The following COL16A1 variants were observed in gnomAD, a reference collection of about 807,000 sequenced individuals.
COL16A1 encodes the protein collagen type XVI alpha 1 chain, also known as collagen alpha-1(XVI) chain.
A neutral mutation model predicts 266.3 loss-of-function variants in COL16A1; 189 were observed. The observed-to-expected ratio is 0.71, with a 90% CI of 0.63 to 0.80. The LOEUF (loss-of-function observed/expected upper bound fraction) is 0.80, where lower values mean the gene tolerates loss of function less well. Among genes scored for constraint, COL16A1 ranks in the 30% least tolerant of loss-of-function variants. COL16A1 has a pLI of 0.00. For missense variants in COL16A1, 1,928 were observed against 2,122.4 expected (o/e 0.91, Z 1.80); for synonymous variants, 740 against 782.3 (o/e 0.95, Z 0.90).
chr1:31,700,016 C>T (rs748562852), intron 3 of COL16A1, 25 bp downstream of exon 3: 26 of 1,613,318 alleles, frequency 1.6e-5, no homozygotes, highest in Middle Eastern at 1.6e-4. Context: ...GCAGGGACGG[C>T]GCGATGAGAT....
intron 12 of COL16A1, among the ~76,000 whole-genome samples, chr1:31,693,803 G>A (rs778878104): frequency 6.6e-5 from 10 of 152,148 alleles, no homozygotes; most frequent in Non-Finnish European, 1.0e-4. Flanking sequence ...AACACACCCT[G>A]TCAGACATAT....
At chr1:31,662,059 T>C (rs1641718436) in intron 58 of COL16A1, among the ~76,000 whole-genome samples, 1 of 152,150 alleles carries the variant, frequency 6.6e-6, no homozygotes, top group Non-Finnish European at 1.5e-5. Context: ...TCCTCAGCTG[T>C]CTTGAGTTTC....
chr1:31,654,138 C>T (rs1236020589), intron 68 of COL16A1, 95 bp from the exon 69 acceptor site: 35 of 1,497,746 alleles, frequency 2.3e-5, no homozygotes, highest in Non-Finnish European at 2.1e-5. Flanking sequence ...AGCATGAAGT[C>T]CACAGCAGCC....
chr1:31,696,484 C>G (rs1016544796), intron 8 of COL16A1, among the ~76,000 whole-genome samples: 1 of 152,242 alleles, frequency 6.6e-6, no homozygotes, highest in Admixed American at 6.5e-5. Context: ...CATGCCACCT[C>G]TAAAGAACCT....
intron 1 of COL16A1, among the ~76,000 whole-genome samples, chr1:31,702,789 G>A (rs1165381222): frequency 6.6e-6 from 1 of 152,192 alleles, no homozygotes; most frequent in African/African-American, 2.4e-5. Context: ...ATAGGGCTGT[G>A]TGGGGGCCAA....
In COL16A1 at chr1:31,670,960, G is replaced by A. The variant is rs1642629334; in HGVS notation, c.3151-314C>T. 6.6e-6 allele frequency among the ~76,000 whole-genome samples: 1 copy of A among 152,152 alleles called. No individual in the cohort carries two copies. Among genetic ancestry groups the A allele is most frequent in the Admixed American group, 6.5e-5 (1 of 15,284 alleles). On this transcript the variant is annotated intron_variant, in intron 48 of 70. Coordinates refer to ENST00000373672, the MANE Select transcript of COL16A1 (RefSeq NM_001856.4). This position sits in a 1 kb window ranked among gnomAD's most constrained non-coding sequence, Gnocchi z 4.5. ...CATTTCTTTCAGCCTTGCCCACCAT[G>A]CCTGCCACCCGACCTCCACCTGTCC...
chr1:31,659,996 A>G (rs1641513510), intron 62 of COL16A1: 1 of 102,612 alleles, frequency 9.7e-6, no homozygotes, highest in Non-Finnish European at 2.1e-5. Context: ...TATTTTTAAC[A>G]TTTCCGAAAG....
intron 52 of COL16A1, 70 bp from the exon 53 acceptor site, chr1:31,666,151 C>T: frequency 4.0e-6 from 6 of 1,493,904 alleles, no homozygotes; most frequent in South Asian, 1.2e-5. Context: ...GGGGATGTGA[C>T]AGGGGACTGC....
At chr1:31,686,408 G>T in intron 26 of COL16A1, 129 bp from the exon 27 acceptor site, 1 of 1,312,318 alleles carries the variant, frequency 7.6e-7, no homozygotes, top group South Asian at 1.3e-5. Flanking sequence ...CAGAGAGGAA[G>T]AGGGCTTTCT....
intron 52 of COL16A1, 128 bp from the exon 53 acceptor site, chr1:31,666,209 C>T (rs1642132228): frequency 3.8e-5 from 38 of 1,000,262 alleles, no homozygotes; most frequent in Non-Finnish European, 5.2e-5. Flanking sequence ...CTGGCAGGCC[C>T]CCTCTGCCTG....
chr1:31,674,868 TAGAC>T (rs1643044817), intron 44 of COL16A1, 135 bp downstream of exon 44: 1 of 1,393,504 alleles, frequency 7.2e-7, no homozygotes, highest in African/African-American at 1.4e-5. Context: ...TAGGCCCTCT[TAGAC>T]AGATGCTTGG....
In COL16A1 at chr1:31,652,940, C is replaced by T. The variant is rs1640757856; in HGVS notation, c.4613-87G>A. On this transcript the variant is annotated intron_variant, in intron 70 of 70. Coordinates refer to ENST00000373672, the MANE Select transcript of COL16A1 (RefSeq NM_001856.4). This position sits in a 1 kb window ranked among gnomAD's most constrained non-coding sequence, Gnocchi z 4.8. ...CATAATGGCATCAAATAATACCTTA[C>T]ATTTGATGACTGTTTCTCAAGTTAC... The T allele has an allele frequency of 8.1e-7, 1 of 1,236,118 alleles. No individual in the cohort carries two copies. Among genetic ancestry groups the T allele is most frequent in the Non-Finnish European group, 1.1e-6 (1 of 938,110 alleles). 76.6% of individuals were successfully genotyped at this position (1,236,118 alleles called of 1,614,324 possible).
intron 53 of COL16A1, 22 bp downstream of exon 53, chr1:31,666,015 C>T (rs924128241): frequency 1.9e-6 from 3 of 1,612,784 alleles, no homozygotes; most frequent in Non-Finnish European, 2.5e-6. Flanking sequence ...GACCACATCT[C>T]CCCATGCCCT....
intron 17 of COL16A1, 95 bp from the exon 18 acceptor site, chr1:31,691,737 G>A: frequency 7.0e-7 from 1 of 1,436,654 alleles, no homozygotes; most frequent in Non-Finnish European, 9.4e-7. Flanking sequence ...CACCCTCCCT[G>A]CCCCTCCCCC....
At chr1:31,679,262 G>C in intron 42 of COL16A1, 1 of 774,692 alleles carries the variant, frequency 1.3e-6, no homozygotes, top group Non-Finnish European at 2.0e-6. Flanking sequence ...ATTCACAGCA[G>C]TTAAAGCAGT....
chr1:31,697,056 G>A lies in COL16A1; in HGVS notation c.771C>T (p.Asp257=), dbSNP rs748442820. 7 of 1,614,190 alleles carry A rather than the reference G, an allele frequency of 4.3e-6. No homozygotes were observed. Among genetic ancestry groups the A allele is most frequent in the South Asian group, 1.1e-5 (1 of 91,086 alleles). Residue 257 remains aspartate, a synonymous_variant, in exon 8 of 71, where the codon GAC becomes GAT. Coordinates refer to ENST00000373672, the MANE Select transcript of COL16A1 (RefSeq NM_001856.4). This position sits in a 1 kb window ranked among gnomAD's most constrained non-coding sequence, Gnocchi z 4.2. ...CPPETSKARR[D]TQSNELIEIN... ...TCTCAATGAGCTCATTGCTCTGGGT[G>A]TCCCGGCGGGCCTTGGAGGTCTCTG...
Position 31,668,282 on chromosome 1 carries a change from A to G in COL16A1, c.3250-64T>C. The G allele has an allele frequency of 6.4e-7, 1 of 1,559,676 alleles. No homozygotes were observed. Among genetic ancestry groups the G allele is most frequent in the Non-Finnish European group, 8.8e-7 (1 of 1,131,754 alleles). On this transcript the variant is annotated intron_variant, in intron 50 of 70. Coordinates refer to ENST00000373672, the MANE Select transcript of COL16A1 (RefSeq NM_001856.4). This position sits in a 1 kb window ranked among gnomAD's most constrained non-coding sequence, Gnocchi z 5.8. Reference sequence around the variant, plus strand: ...ATTTCTGTTCTCCCCTCGCTGGGTAAGAGGATGGCCAAAGCTAAAACCTCT... The same window carrying G: ...ATTTCTGTTCTCCCCTCGCTGGGTAGGAGGATGGCCAAAGCTAAAACCTCT...
chr1:31,653,501 T>G, intron 70 of COL16A1, 98 bp downstream of exon 70: 1 of 1,376,178 alleles, frequency 7.3e-7, no homozygotes, highest in Non-Finnish European at 9.8e-7. Flanking sequence ...TGGCCTGTCG[T>G]TATTTGGAGT....
intron 39 of COL16A1, among the ~76,000 whole-genome samples, 182 bp downstream of exon 39, chr1:31,680,723 G>A (rs543946578): frequency 1.3e-5 from 2 of 152,296 alleles, no homozygotes; most frequent in South Asian, 4.1e-4. Flanking sequence ...GTAGCAAGGA[G>A]CCCAGGATGC....
Sources: allele counts gnomAD v4.1 joint callset (sites outside exome capture counted in the v4.1 genomes callset), GRCh38; gene constraint gnomAD v4.1.1; non-coding constraint Gnocchi (gnomAD v3.1); transcripts MANE v1.5; gene names NCBI Gene and HGNC (gene_info 2026-07-23, HGNC 2026-07-21).